The following SEMA3E variants were observed in gnomAD, a reference collection of about 807,000 sequenced individuals.
SEMA3E encodes the protein semaphorin 3E, also known as semaphorin-3E.
A neutral mutation model predicts 93.6 loss-of-function variants in SEMA3E; 49 were observed. The observed-to-expected ratio is 0.52, with a 90% CI of 0.42 to 0.66. The LOEUF (loss-of-function observed/expected upper bound fraction) is 0.66. Among genes scored for constraint, SEMA3E ranks in the 30% least tolerant of loss-of-function variants. SEMA3E has a pLI of 0.00. For synonymous variants in SEMA3E, 363 were observed against 330.7 expected (o/e 1.10, Z -1.06); for missense variants, 906 against 964.8 (o/e 0.94, Z 0.81).
intron 4 of SEMA3E, 151 bp from the exon 5 acceptor site, chr7:83,418,634 G>A (rs569930239): frequency 8.7e-6 from 6 of 691,796 alleles, no homozygotes; most frequent in South Asian, 3.2e-5. Context: ...GACAAACTGG[G>A]TTTTATAAAT....
intron 1 of SEMA3E, among the ~76,000 whole-genome samples, chr7:83,644,494 A>T (rs1378946434): frequency 1.3e-5 from 2 of 151,982 alleles, no homozygotes; most frequent in South Asian, 4.1e-4. Context: ...AAACATTAAT[A>T]ATATAAATAG....
At chr7:83,402,020 G>A (rs1297918188) in intron 10 of SEMA3E, among the ~76,000 whole-genome samples, 1 of 151,986 alleles carries the variant, frequency 6.6e-6, no homozygotes, top group Non-Finnish European at 1.5e-5. Context: ...AATCTTAATA[G>A]TATAGTTCAG....
chr7:83,452,121 ATGTGTATGTATG>A (rs901037931), intron 4 of SEMA3E, among the ~76,000 whole-genome samples: 6 of 108,364 alleles, frequency 5.5e-5, no homozygotes, highest in African/African-American at 1.7e-4. Context: ...CCATATGTGT[ATGTGTATGTATG>A]TGTGTGTGTG....
intron 1 of SEMA3E, among the ~76,000 whole-genome samples, chr7:83,626,893 C>T (rs1032267227): frequency 6.6e-6 from 1 of 152,146 alleles, no homozygotes; most frequent in Non-Finnish European, 1.5e-5. Flanking sequence ...CCCAAAGATT[C>T]TGGTAAGTTT....
intron 1 of SEMA3E, among the ~76,000 whole-genome samples, chr7:83,624,315 G>A (rs1169638680): frequency 6.6e-6 from 1 of 152,144 alleles, no homozygotes; most frequent in Admixed American, 6.5e-5. Context: ...CTTCAACAAT[G>A]GTTGAAGTAA....
At chr7:83,542,692 C>G (rs1584320247) in intron 1 of SEMA3E, among the ~76,000 whole-genome samples, 1 of 152,084 alleles carries the variant, frequency 6.6e-6, no homozygotes. Flanking sequence ...TTGTGGCTAA[C>G]ACAGATTGTG....
At chr7:83,595,610 A>G (rs945877296) in intron 1 of SEMA3E, among the ~76,000 whole-genome samples, 33 of 152,138 alleles carry the variant, frequency 2.2e-4, no homozygotes, top group African/African-American at 7.7e-4. Flanking sequence ...TCTGCAGTAT[A>G]TATTCATCCT....
intron 1 of SEMA3E, among the ~76,000 whole-genome samples, chr7:83,623,245 C>G (rs939531768): frequency 6.6e-6 from 1 of 151,868 alleles, no homozygotes. Context: ...GAAAATAAAA[C>G]TAGAAACAAC....
At chr7:83,437,072 C>T (rs540457621) in intron 4 of SEMA3E, among the ~76,000 whole-genome samples, 1 of 152,132 alleles carries the variant, frequency 6.6e-6, no homozygotes, top group African/African-American at 2.4e-5. Context: ...ATGGAAAAGG[C>T]CTGCTCCCAT....
chr7:83,413,371 TA>T (rs1211876186), intron 5 of SEMA3E, among the ~76,000 whole-genome samples: 1 of 152,254 alleles, frequency 6.6e-6, no homozygotes, highest in Admixed American at 6.5e-5. Context: ...TATGCAAATC[TA>T]AATAATGTGA....
intron 2 of SEMA3E, among the ~76,000 whole-genome samples, chr7:83,489,856 A>C (rs928059736): frequency 7.9e-5 from 12 of 152,130 alleles, no homozygotes; most frequent in African/African-American, 2.9e-4. Flanking sequence ...GACAAGGGCC[A>C]CCATGCAAGA....
At chr7:83,519,255 AATG>A (rs1219406720) in intron 1 of SEMA3E, among the ~76,000 whole-genome samples, 6 of 151,982 alleles carry the variant, frequency 3.9e-5, no homozygotes, top group African/African-American at 1.4e-4. Flanking sequence ...GTTTACTGAG[AATG>A]ATGATTTCCA....
At chr7:83,595,354 ACAGAAGATTTG>A (rs1181289996) in intron 1 of SEMA3E, among the ~76,000 whole-genome samples, 2 of 152,152 alleles carry the variant, frequency 1.3e-5, no homozygotes, top group East Asian at 3.9e-4. Context: ...GTTTATATTT[ACAGAAGATTTG>A]CAGAAACAGT....
intron 1 of SEMA3E, among the ~76,000 whole-genome samples, chr7:83,584,129 A>G (rs1451812855): frequency 1.3e-5 from 2 of 152,188 alleles, no homozygotes; most frequent in Non-Finnish European, 2.9e-5. Flanking sequence ...GAAGGGGATT[A>G]CAATCAAAGA....
rs1164278032 is a variant in SEMA3E at position 83,366,470 on chromosome 7, T to C, written c.*1116A>G. The C allele has an allele frequency of 2.0e-5, 3 of 152,020 alleles. No homozygotes were observed. The allele number at this position is 152,020 out of a possible 1,614,324, so 9.4% of individuals were successfully genotyped here. ...TAAAAGAGAGAAGAAAATTTGATAT[T>C]TGAGAGCAAATCACTTTAATATTTT... On this transcript the variant is annotated 3_prime_UTR_variant, in exon 17 of 17. Coordinates refer to ENST00000643230, the MANE Select transcript of SEMA3E (RefSeq NM_012431.3).
At chr7:83,592,261 G>A (rs1237958548) in intron 1 of SEMA3E, among the ~76,000 whole-genome samples, 2 of 151,918 alleles carry the variant, frequency 1.3e-5, no homozygotes, top group African/African-American at 4.8e-5. Context: ...CATACTTCAT[G>A]CTAAAATCTG....
chr7:83,441,443 C>G (rs17215452), intron 4 of SEMA3E, among the ~76,000 whole-genome samples: 1 of 151,762 alleles, frequency 6.6e-6, no homozygotes, highest in Non-Finnish European at 1.5e-5. Flanking sequence ...GATTTGTGAA[C>G]CAACATGCAA....
intron 4 of SEMA3E, among the ~76,000 whole-genome samples, chr7:83,463,787 G>C (rs1334723939): frequency 6.6e-6 from 1 of 152,014 alleles, no homozygotes; most frequent in African/African-American, 2.4e-5. Context: ...ACTTCTCAGT[G>C]TTCCATCTGC....
chr7:83,370,403 T>C (rs1018811134), intron 16 of SEMA3E, among the ~76,000 whole-genome samples: 2 of 152,192 alleles, frequency 1.3e-5, no homozygotes, highest in African/African-American at 2.4e-5. Context: ...TCTCTCATTA[T>C]ATGCTATCAC....
Sources: gnomAD v4.1 joint callset for allele counts (sites outside exome capture counted in the v4.1 genomes callset) on GRCh38, gnomAD v4.1.1 for gene constraint, MANE v1.5 for transcripts, NCBI Gene and HGNC (gene_info 2026-07-23, HGNC 2026-07-21) for gene names.